NAALADL2: variants seen among roughly 807,000 people sequenced by gnomAD.
NAALADL2 encodes the protein N-acetylated alpha-linked acidic dipeptidase like 2.
Under a neutral mutation model 87.2 loss-of-function variants are expected in NAALADL2, and 76 were observed. The ratio of observed to expected loss-of-function variants is 0.87; its 90% CI spans 0.72 to 1.05. NAALADL2 has a LOEUF of 1.05. Among genes scored for constraint, NAALADL2 ranks in the 50% least tolerant of loss-of-function variants. The pLI is 0.00. For missense variants in NAALADL2, 1,089 were observed against 945.8 expected, an observed-to-expected ratio of 1.15 and a Z score of -1.99; for synonymous variants, 354 against 331.0, an observed-to-expected ratio of 1.07 and a Z score of -0.75.
chr3:175,067,432 A>G (rs1449314777), intron 1 of NAALADL2, among the ~76,000 whole-genome samples: 1 of 152,140 alleles, frequency 6.6e-6, no homozygotes, highest in Non-Finnish European at 1.5e-5. Flanking sequence ...AAGGTGGGCA[A>G]AGGACACAGA....
intron 2 of NAALADL2, among the ~76,000 whole-genome samples, chr3:175,157,970 A>C (rs1339283835): frequency 6.6e-6 from 1 of 152,112 alleles, no homozygotes; most frequent in African/African-American, 2.4e-5. Flanking sequence ...TACTCCATGC[A>C]CCAAAACCAA....
intron 9 of NAALADL2, among the ~76,000 whole-genome samples, chr3:175,486,121 C>G (rs1370702511): frequency 6.6e-6 from 1 of 152,126 alleles, no homozygotes; most frequent in African/African-American, 2.4e-5. Flanking sequence ...TTACCTACTT[C>G]AAAAAGTTGT....
intron 9 of NAALADL2, among the ~76,000 whole-genome samples, chr3:175,543,246 A>G (rs1015417564): frequency 6.6e-6 from 1 of 152,168 alleles, no homozygotes; most frequent in Non-Finnish European, 1.5e-5. Flanking sequence ...CATTATTGAC[A>G]GAAGACTAAC....
intron 9 of NAALADL2, among the ~76,000 whole-genome samples, chr3:175,489,656 C>T (rs1204484481): frequency 6.6e-6 from 1 of 152,138 alleles, no homozygotes; most frequent in Non-Finnish European, 1.5e-5. Context: ...CAGTTATTTT[C>T]CCAAGAGTAG....
intron 5 of NAALADL2, among the ~76,000 whole-genome samples, chr3:175,423,860 G>A (rs1469382393): frequency 6.6e-6 from 1 of 152,158 alleles, no homozygotes; most frequent in East Asian, 1.9e-4. Context: ...CACAATGGTT[G>A]AACTAGTTTA....
At chr3:175,346,129 GTATTA>G (rs1462816100) in intron 5 of NAALADL2, among the ~76,000 whole-genome samples, 9 of 151,906 alleles carry the variant, frequency 5.9e-5, no homozygotes, top group Non-Finnish European at 2.9e-5. Flanking sequence ...CAGTGTAATT[GTATTA>G]TATTTTTCTG....
rs144460947 is a variant in NAALADL2 at position 175,346,710 on chromosome 3, C to T, written c.1090+22385C>T. 7.5e-3 allele frequency among the ~76,000 whole-genome samples: 1,141 copies of T among 152,234 alleles called. 11 individuals are homozygous for T. The highest frequency in any genetic ancestry group is 0.024 in the African/African-American group (1,003 of 41,540). The stretch of plus-strand genomic sequence containing the variant: ...ACGCTTAAAATCACACAATGTGAAA[C>T]GACTTCAACCCTCTCATTTCACAGA... On this transcript the variant is annotated intron_variant, in intron 5 of 13. Transcript: ENST00000454872.
intron 11 of NAALADL2, among the ~76,000 whole-genome samples, chr3:175,672,787 T>G (rs1734179722): frequency 6.6e-6 from 1 of 152,196 alleles, no homozygotes; most frequent in African/African-American, 2.4e-5. Context: ...TTGGCATTAT[T>G]AGTGACTCTC....
intron 1 of NAALADL2, among the ~76,000 whole-genome samples, chr3:174,546,569 C>G (rs925404950): frequency 2.0e-5 from 3 of 152,200 alleles, no homozygotes; most frequent in South Asian, 2.1e-4. Context: ...TCTGCAGACT[C>G]TTACGTTGTA....
chr3:174,932,719 A>T (rs1356982825), intron 1 of NAALADL2, among the ~76,000 whole-genome samples: 2 of 152,174 alleles, frequency 1.3e-5, no homozygotes, highest in African/African-American at 4.8e-5. Context: ...ATAAACTTTA[A>T]CACTGCTTAA....
intron 13 of NAALADL2, among the ~76,000 whole-genome samples, chr3:175,764,034 G>C (rs565531651): frequency 6.6e-6 from 1 of 152,024 alleles, no homozygotes; most frequent in South Asian, 2.1e-4. Context: ...ATAGAAATAG[G>C]ACTCTTAGGA....
At chr3:174,836,783 ATTAT>A in intron 3 of NAALADL2, among the ~76,000 whole-genome samples, 1 of 152,164 alleles carries the variant, frequency 6.6e-6, no homozygotes, top group East Asian at 1.9e-4. Flanking sequence ...ACAATTAAAA[ATTAT>A]TTAAAGGGCA....
rs1553855294 is a variant in NAALADL2 at position 174,787,599 on chromosome 3, A to ACATATATATATATATATATATATATG, written c.-9+49853_-9+49854insCATATATATATATATATATATATATG. ...ATCATATATATATATATATATATAT[A>ACATATATATATATATATATATATATG]TATATATATATATATATATATAGTA... On this transcript the variant is annotated intron_variant, in intron 3 of 3. Transcript: ENST00000434257. 1.3e-4 allele frequency among the ~76,000 whole-genome samples: 9 copies of ACATATATATATATATATATATATATG among 67,868 alleles called. 1 individual carries two copies. The highest frequency in any genetic ancestry group is 4.7e-4 in the African/African-American group (9 of 19,180). 44.5% of individuals were successfully genotyped at this position (67,868 alleles called of 152,430 possible).
At chr3:175,389,039 C>A (rs1321392946) in intron 5 of NAALADL2, among the ~76,000 whole-genome samples, 1 of 151,910 alleles carries the variant, frequency 6.6e-6, no homozygotes, top group Admixed American at 6.6e-5. Flanking sequence ...CATCCTGGAA[C>A]CATAAACACA....
At chr3:175,137,775 G>T (rs113634669) in intron 2 of NAALADL2, among the ~76,000 whole-genome samples, 42 of 69,088 alleles carry the variant, frequency 6.1e-4, no homozygotes, top group African/African-American at 1.2e-3. Context: ...AGTTTGTTTT[G>T]TTTTGTTTTG....
intron 1 of NAALADL2, among the ~76,000 whole-genome samples, chr3:174,995,655 A>G (rs775341285): frequency 5.9e-5 from 9 of 152,184 alleles, no homozygotes; most frequent in Non-Finnish European, 1.2e-4. Flanking sequence ...TTGCTTTTAA[A>G]TAATGAGATA....
intron 11 of NAALADL2, among the ~76,000 whole-genome samples, chr3:175,670,217 C>A (rs1733751395): frequency 6.6e-6 from 1 of 151,678 alleles, no homozygotes. Context: ...CAATCTGGCT[C>A]CAGTGTCTAT....
At chr3:174,902,206 T>A (rs574414311) in intron 1 of NAALADL2, among the ~76,000 whole-genome samples, 1 of 152,294 alleles carries the variant, frequency 6.6e-6, no homozygotes, top group East Asian at 1.9e-4. Flanking sequence ...TCTTTTGATA[T>A]TATATAGCAA....
At chr3:175,604,614 T>A (rs1483061689) in intron 10 of NAALADL2, among the ~76,000 whole-genome samples, 1 of 152,174 alleles carries the variant, frequency 6.6e-6, no homozygotes, top group Non-Finnish European at 1.5e-5. Flanking sequence ...GAAATTTTTT[T>A]AAAGTCTTCC....
Sources: gnomAD v4.1 joint callset for allele counts (sites outside exome capture counted in the v4.1 genomes callset) on GRCh38, gnomAD v4.1.1 for gene constraint, MANE v1.5 for transcripts, NCBI Gene and HGNC (gene_info 2026-07-23, HGNC 2026-07-21) for gene names.